RNLS: variants seen among roughly 807,000 people sequenced by gnomAD.
The protein encoded by RNLS is renalase.
Under a neutral mutation model 39.8 loss-of-function variants are expected in RNLS, and 39 were observed. That is an observed-to-expected ratio of 0.98 (90% confidence interval 0.76 to 1.28). RNLS has a LOEUF of 1.28. Ranked by LOEUF, RNLS falls within the 50% of genes most tolerant of loss-of-function variation. The pLI, the probability that RNLS is intolerant of heterozygous loss-of-function variation, is 0.00. For missense variants in RNLS, 410 were observed against 413.3 expected (o/e 0.99, Z 0.07); for synonymous variants, 147 against 150.7 (o/e 0.98, Z 0.18).
At chr10:88,430,454 C>A (rs1037766192) in intron 4 of RNLS, among the ~76,000 whole-genome samples, 5 of 151,806 alleles carry the variant, frequency 3.3e-5, no homozygotes, top group African/African-American at 9.7e-5. Context: ...AGCTTTACAT[C>A]TTCCTTTCCA....
At chr10:88,273,142 T>C (rs1842696188), downstream of RNLS, among the ~76,000 whole-genome samples, 1 of 152,176 alleles carries the variant, frequency 6.6e-6, no homozygotes, top group African/African-American at 2.4e-5. Context: ...CTGCTCCACA[T>C]TGAAAAGCTC....
intron 6 of RNLS, among the ~76,000 whole-genome samples, chr10:88,302,224 TA>T (rs1310985077): frequency 6.6e-6 from 1 of 152,200 alleles, no homozygotes; most frequent in Non-Finnish European, 1.5e-5. Context: ...ATCACATTAT[TA>T]AAAATCCAGG....
At chr10:88,427,655 T>C (rs1038611452) in intron 4 of RNLS, among the ~76,000 whole-genome samples, 1 of 151,972 alleles carries the variant, frequency 6.6e-6, no homozygotes, top group East Asian at 1.9e-4. Flanking sequence ...ATCTACTTAC[T>C]ATTTGATACA....
the RNLS span, among the ~76,000 whole-genome samples, chr10:88,243,585 C>T: frequency 9.9e-5 from 15 of 152,282 alleles, no homozygotes; most frequent in South Asian, 3.1e-3. Context: ...ATCAGGGCAT[C>T]GATATTTTAA....
At chr10:88,380,362 T>A (rs1851352464) in intron 4 of RNLS, among the ~76,000 whole-genome samples, 1 of 117,946 alleles carries the variant, frequency 8.5e-6, no homozygotes. Context: ...GGGTTTTGTA[T>A]CTTTTTTTTT....
At chr10:88,394,750 T>C in intron 4 of RNLS, among the ~76,000 whole-genome samples, 1 of 152,174 alleles carries the variant, frequency 6.6e-6, no homozygotes, top group Non-Finnish European at 1.5e-5. Flanking sequence ...CACACGTATG[T>C]TTATAGCGGC....
At chr10:88,375,342 G>A (rs1319916051) in intron 4 of RNLS, among the ~76,000 whole-genome samples, 2 of 152,264 alleles carry the variant, frequency 1.3e-5, no homozygotes, top group South Asian at 2.1e-4. Context: ...ACTAGTAAGA[G>A]TTCCCCGAAG....
the RNLS span, among the ~76,000 whole-genome samples, chr10:88,187,745 A>G: frequency 5.3e-5 from 8 of 152,206 alleles, no homozygotes; most frequent in African/African-American, 1.7e-4. Context: ...ACTAATACAC[A>G]TAGGACTGAG....
chr10:88,565,895 G>A (rs990425281), intron 4 of RNLS, among the ~76,000 whole-genome samples: 14 of 151,322 alleles, frequency 9.3e-5, no homozygotes, highest in Non-Finnish European at 1.3e-4. Context: ...GACTACAGGC[G>A]CACTCCACCA....
chr10:88,288,179 T>A (rs1165034176), intron 6 of RNLS, among the ~76,000 whole-genome samples: 1 of 152,170 alleles, frequency 6.6e-6, no homozygotes, highest in African/African-American at 2.4e-5. Context: ...AAATGCTGTA[T>A]ATGCACACCC....
chr10:88,518,171 G>C (rs990555402), intron 4 of RNLS, among the ~76,000 whole-genome samples: 1 of 151,764 alleles, frequency 6.6e-6, no homozygotes, highest in Non-Finnish European at 1.5e-5. Context: ...TTAAGCCCTA[G>C]ATTTTTTATT....
chr10:88,244,429 A>G, the RNLS span, among the ~76,000 whole-genome samples: 1 of 152,220 alleles, frequency 6.6e-6, no homozygotes, highest in African/African-American at 2.4e-5. Context: ...CTCCAGGAAG[A>G]GTAGCAGTAA....
chr10:88,381,406 T>A (rs914199290), intron 4 of RNLS, among the ~76,000 whole-genome samples: 1 of 131,276 alleles, frequency 7.6e-6, no homozygotes, highest in East Asian at 2.4e-4. Flanking sequence ...GATAGTTTTT[T>A]AAAAATACAA....
chr10:88,251,810 A>C, the RNLS span, among the ~76,000 whole-genome samples: 1 of 152,184 alleles, frequency 6.6e-6, no homozygotes, highest in East Asian at 1.9e-4. Context: ...CCCTTTGAAG[A>C]TTCCTTTGCC....
At chr10:88,573,387 C>A (rs541841603) in intron 3 of RNLS, among the ~76,000 whole-genome samples, 1 of 152,316 alleles carries the variant, frequency 6.6e-6, no homozygotes, top group African/African-American at 2.4e-5. Flanking sequence ...ACTAATTTAT[C>A]TCACAGACAA....
intron 4 of RNLS, among the ~76,000 whole-genome samples, chr10:88,417,915 C>T (rs753266443): frequency 6.6e-6 from 1 of 152,118 alleles, no homozygotes; most frequent in South Asian, 2.1e-4. Flanking sequence ...ACATTCCTGC[C>T]TCACTCTATG....
At chr10:88,266,583 T>C in the RNLS span, among the ~76,000 whole-genome samples, 1 of 152,056 alleles carries the variant, frequency 6.6e-6, no homozygotes. Flanking sequence ...AGTCTAGAAG[T>C]TGTGGGTGGG....
chr10:88,213,861 GT>G, the RNLS span, among the ~76,000 whole-genome samples: 2 of 152,050 alleles, frequency 1.3e-5, no homozygotes, highest in African/African-American at 4.8e-5. Flanking sequence ...TCTTGATTTC[GT>G]TTGTTTATTT....
chr10:88,378,900 GAGA>G (rs1273733046), intron 4 of RNLS, among the ~76,000 whole-genome samples: 6 of 152,190 alleles, frequency 3.9e-5, no homozygotes, highest in Middle Eastern at 6.8e-3. Flanking sequence ...GAGGGTGAAG[GAGA>G]AGTTTTCCCT....
Sources: allele counts gnomAD v4.1 joint callset (sites outside exome capture counted in the v4.1 genomes callset), GRCh38; gene constraint gnomAD v4.1.1; transcripts MANE v1.5; gene names NCBI Gene and HGNC (gene_info 2026-07-23, HGNC 2026-07-21).